Variants in SERPINB8 observed in about 807,000 individuals in gnomAD.
SERPINB8 encodes the protein serpin family B member 8, also known as serpin B8.
In SERPINB8, 25 loss-of-function variants were observed where a neutral mutation model predicts 35.3. That is an observed-to-expected ratio of 0.71 (90% CI 0.52 to 0.99). The LOEUF (loss-of-function observed/expected upper bound fraction) is 0.99. SERPINB8 is among the 50% of genes least tolerant of loss of function. The pLI, the probability that SERPINB8 is intolerant of heterozygous loss-of-function variation, is 0.00. For synonymous variants in SERPINB8, 186 were observed against 160.8 expected, an observed-to-expected ratio of 1.16 and a Z score of -1.19; for missense variants, 484 against 446.5, an observed-to-expected ratio of 1.08 and a Z score of -0.76.
chr18:63,975,678 T>C (rs1049430611), intron 1 of SERPINB8, among the ~76,000 whole-genome samples: 6 of 152,258 alleles, frequency 3.9e-5, no homozygotes, highest in African/African-American at 1.4e-4. Context: ...TGTTGTTCTA[T>C]ATTTAGAGTG....
At chr18:63,972,339 C>A (rs1458721442) in intron 1 of SERPINB8, among the ~76,000 whole-genome samples, 2 of 152,076 alleles carry the variant, frequency 1.3e-5, no homozygotes, top group African/African-American at 4.8e-5. Context: ...GTGGCTTAAT[C>A]CTTTAATACA....
intron 1 of SERPINB8, among the ~76,000 whole-genome samples, chr18:63,995,521 G>A (rs1362261874): frequency 6.6e-6 from 1 of 152,158 alleles, no homozygotes. Flanking sequence ...TTACGTTATG[G>A]CTCCCATGAC....
At chr18:63,995,260 C>T (rs1323928265) in intron 1 of SERPINB8, among the ~76,000 whole-genome samples, 1 of 152,174 alleles carries the variant, frequency 6.6e-6, no homozygotes, top group Non-Finnish European at 1.5e-5. Context: ...ATTAACAAGA[C>T]TAGGGGTTAG....
intron 2 of SERPINB8, among the ~76,000 whole-genome samples, 164 bp downstream of exon 2, chr18:63,978,640 G>C (rs566177919): frequency 2.0e-4 from 31 of 152,322 alleles, no homozygotes; most frequent in African/African-American, 6.7e-4. Context: ...AAGGTGAAAT[G>C]TGTTGGACAG....
intron 3 of SERPINB8, among the ~76,000 whole-genome samples, chr18:63,981,031 T>TAC (rs958964332): frequency 1.3e-5 from 2 of 152,058 alleles, no homozygotes; most frequent in South Asian, 2.1e-4. Context: ...CATACACATG[T>TAC]ACACACACAC....
chr18:63,978,084 C>T (rs147469149), intron 1 of SERPINB8, among the ~76,000 whole-genome samples: 11 of 152,292 alleles, frequency 7.2e-5, no homozygotes, highest in Non-Finnish European at 1.5e-4. Context: ...TCAGGATAAT[C>T]TCAGATCTCA....
intron 7 of SERPINB8, among the ~76,000 whole-genome samples, chr18:64,016,906 T>G (rs2144854232): frequency 6.6e-6 from 1 of 152,302 alleles, no homozygotes; most frequent in East Asian, 1.9e-4. Context: ...GTTTTTGCAC[T>G]TCCTTCTAGA....
At chr18:64,017,842 T>C (rs2050957755) in intron 7 of SERPINB8, among the ~76,000 whole-genome samples, 4 of 152,214 alleles carry the variant, frequency 2.6e-5, no homozygotes, top group Admixed American at 6.5e-5. Flanking sequence ...TATCTACTAA[T>C]CATGACTGTG....
chr18:64,017,487 C>A (rs573539660), intron 7 of SERPINB8, among the ~76,000 whole-genome samples: 1 of 152,188 alleles, frequency 6.6e-6, no homozygotes, highest in South Asian at 2.1e-4. Flanking sequence ...ATGAAGTTAA[C>A]AAAAAGAAGC....
chr18:63,993,727 T>C (rs184043668), downstream of SERPINB8, among the ~76,000 whole-genome samples: 38 of 152,300 alleles, frequency 2.5e-4, no homozygotes, highest in Non-Finnish European at 4.9e-4. Flanking sequence ...GGCCTGACCA[T>C]AGGCAACTAC....
chr18:63,985,232 C>T lies in SERPINB8; in HGVS notation c.707C>T (p.Thr236Met), dbSNP rs772815370. 6.8e-6 allele frequency: 11 copies of T among 1,614,026 alleles called. No individual in the cohort carries two copies. The highest frequency in any genetic ancestry group is 5.0e-5 in the Admixed American group (3 of 60,008). ...GTCATTCTGCTTCCCGATGACAACACGGACCTCGCCGTGGTAAGCTCCAGG... is the reference window on the plus strand; with the variant it reads ...GTCATTCTGCTTCCCGATGACAACATGGACCTCGCCGTGGTAAGCTCCAGG... Reference protein sequence around the residue: ...SMVILLPDDNTDLAVVEKALT... With the variant: ...SMVILLPDDNMDLAVVEKALT... The change falls in exon 6 of 7, where the codon ACG becomes ATG. Residue 236 changes from threonine (T) to methionine (M), a missense_variant. Coordinates refer to ENST00000397985, the MANE Select transcript of SERPINB8 (RefSeq NM_002640.4).
rs1030659357 is a variant in SERPINB8, at chr18:63,987,211, T to G, written c.1058T>G (p.Phe353Cys). Residue 353 changes from phenylalanine (F) to cysteine (C), a missense_variant, in exon 7 of 7, where the codon TTT becomes TGT. Transcript: ENST00000397985. The stretch of plus-strand genomic sequence containing the variant: ...CCAAGATTCTGTGCAGACCACCCTT[T>G]TCTTTTCTTCATCAGGCACCACAAA... ...MEPRFCADHP[F>C]LFFIRHHKTN... The G allele has an allele frequency of 1.9e-6, 3 of 1,614,124 alleles. No homozygotes were observed. Among genetic ancestry groups the G allele is most frequent in the Non-Finnish European group, 2.5e-6 (3 of 1,179,992 alleles).
rs1011619190 is a variant in SERPINB8, at chr18:63,979,920, G to C, written c.288G>C (p.Lys96Asn). 3.1e-6 allele frequency: 5 copies of C among 1,613,998 alleles called. No individual in the cohort carries two copies. Among genetic ancestry groups the C allele is most frequent in the Non-Finnish European group, 4.2e-6 (5 of 1,180,002 alleles). Residue 96 changes from lysine (K) to asparagine (N), a missense_variant, in exon 3 of 7, where the codon AAG becomes AAC. Coordinates refer to ENST00000397985, the MANE Select transcript of SERPINB8 (RefSeq NM_002640.4). ...CTGCCAACAGACTCTTTGGAGAAAA[G>C]ACGTGTGATTTCCTTCCAGTAAGTA... is the stretch of plus-strand genomic sequence containing the variant. ...LRTANRLFGE[K>N]TCDFLPDFKE...
chr18:63,974,909 A>G (rs1276992530), intron 1 of SERPINB8, among the ~76,000 whole-genome samples: 1 of 152,128 alleles, frequency 6.6e-6, no homozygotes, highest in African/African-American at 2.4e-5. Flanking sequence ...GAAATACCAC[A>G]TACTGACCAG....
In SERPINB8 at chr18:63,986,455, C is replaced by T. The variant is rs1351303344; in HGVS notation, c.721-419C>T. ...CTCTGATTTAACCCTGAATAGTCCCCTCATTAGACTCAGAAGCAGAGTTCT... is the reference window on the plus strand; with the variant it reads ...CTCTGATTTAACCCTGAATAGTCCCTTCATTAGACTCAGAAGCAGAGTTCT... On this transcript the variant is annotated intron_variant, in intron 6 of 6. Transcript: ENST00000397985. 8 of 1,398,314 alleles carry T rather than the reference C, an allele frequency of 5.7e-6. No individual in the cohort carries two copies. In the African/African-American group the frequency reaches 7.3e-5, roughly 13 times the overall value. The allele number at this position is 1,398,314 out of a possible 1,614,324, so 86.6% of individuals were successfully genotyped here. A position where few individuals can be genotyped will look rare whatever the true frequency, so the allele number is the denominator to read the frequency against.
In SERPINB8 at chr18:64,004,818, G is replaced by C. The variant is rs1410154671; in HGVS notation, c.71-1G>C. On this transcript the variant is annotated splice_acceptor_variant, in intron 1 of 1. Coordinates refer to the SERPINB8 transcript ENST00000493661. LOFTEE classifies it high-confidence loss of function. Reference sequence around the variant, plus strand: ...AACTCTCATCTTGTGCCTCCTAACAGGATACACTGAGAAGCACAAGCTTCT... The same window carrying C: ...AACTCTCATCTTGTGCCTCCTAACACGATACACTGAGAAGCACAAGCTTCT... The C allele has an allele frequency of 7.5e-6, 3 of 398,386 alleles. No individual in the cohort carries two copies. Among genetic ancestry groups the C allele is most frequent in the African/African-American group, 2.1e-5 (1 of 48,620 alleles). The allele number at this position is 398,386 out of a possible 1,614,324, so 24.7% of individuals were successfully genotyped here. A position where few individuals can be genotyped will look rare whatever the true frequency, so the allele number is the denominator to read the frequency against.
chr18:63,976,240 G>A (rs1331010139), intron 1 of SERPINB8, among the ~76,000 whole-genome samples: 1 of 152,078 alleles, frequency 6.6e-6, no homozygotes, highest in African/African-American at 2.4e-5. Context: ...TCAATTGTAA[G>A]AACAAAAAGG....
chr18:64,009,601 C>A (rs1008349029), downstream of SERPINB8, among the ~76,000 whole-genome samples: 1 of 152,176 alleles, frequency 6.6e-6, no homozygotes, highest in African/African-American at 2.4e-5. Flanking sequence ...GGGAAATGAT[C>A]GCCCAGTGTA....
At position 63,981,744 on chromosome 18, in the gene SERPINB8, G is replaced by A. The variant is rs1202192736; in HGVS notation, c.330G>A (p.Lys110=). ...FLPDFKEYCQ[K]FYQAELEELS... Reference sequence around the variant, plus strand: ...AGGACTTTAAAGAATACTGTCAGAAGTTCTATCAGGCAGAGCTGGAGGAGT... The same window carrying A: ...AGGACTTTAAAGAATACTGTCAGAAATTCTATCAGGCAGAGCTGGAGGAGT... The change falls in exon 4 of 7, where the codon AAG becomes AAA. Residue 110 remains lysine (K), a synonymous_variant. Transcript: ENST00000397985. 2 of 1,613,366 alleles carry A rather than the reference G, an allele frequency of 1.2e-6. No individual in the cohort carries two copies. Among genetic ancestry groups the A allele is most frequent in the Non-Finnish European group, 1.7e-6 (2 of 1,179,372 alleles).
Sources: gnomAD v4.1 joint callset for allele counts (sites outside exome capture counted in the v4.1 genomes callset) on GRCh38, gnomAD v4.1.1 for gene constraint, MANE v1.5 for transcripts, NCBI Gene and HGNC (gene_info 2026-07-23, HGNC 2026-07-21) for gene names.